CALN1: variants seen among roughly 807,000 people sequenced by gnomAD.
CALN1 encodes the protein calcium-binding protein 8.
In CALN1, 17 loss-of-function variants were observed where a neutral mutation model predicts 30.6. That is an observed-to-expected ratio of 0.56 (90% confidence interval 0.38 to 0.83). The LOEUF (loss-of-function observed/expected upper bound fraction) is 0.83. Among genes scored for constraint, CALN1 ranks in the 40% least tolerant of loss-of-function variants. The probability of loss-of-function intolerance (pLI) is 0.00; values close to 1 mark genes in which losing one functional copy is unlikely to be tolerated. For synonymous variants in CALN1, 156 were observed against 131.4 expected (o/e 1.19, Z -1.28); for missense variants, 291 against 354.9 (o/e 0.82, Z 1.45).
rs187642328 is a variant in CALN1, at chr7:71,959,376, G to A, written c.501+64281C>T. ...ACACAGGATTGGAGAATCCAGACTT[G>A]GTTGTTTTTATATATTTGGAAAACT... On this transcript the variant is annotated intron_variant, in intron 5 of 6. Coordinates refer to ENST00000395275, the MANE Select transcript of CALN1 (RefSeq NM_031468.4). Among the ~76,000 whole-genome samples the A allele has an allele frequency of 1.2e-4, 19 of 152,220 alleles. No individual in the cohort carries two copies. The East Asian group carries it at 3.7e-3, about 29-fold the overall frequency.
chr7:71,908,951 A>G (rs1176650223), intron 5 of CALN1, among the ~76,000 whole-genome samples: 1 of 152,188 alleles, frequency 6.6e-6, no homozygotes, highest in Non-Finnish European at 1.5e-5. Flanking sequence ...GAGCACTTCA[A>G]TGTTTGTTCA....
chr7:72,319,461 T>C (rs1488623538), intron 2 of CALN1, among the ~76,000 whole-genome samples: 1 of 152,180 alleles, frequency 6.6e-6, no homozygotes, highest in Admixed American at 6.5e-5. Flanking sequence ...AATTACCCCA[T>C]GATTCAACTA....
intron 5 of CALN1, among the ~76,000 whole-genome samples, chr7:71,992,834 G>C (rs1179408445): frequency 6.6e-6 from 1 of 152,166 alleles, no homozygotes; most frequent in East Asian, 1.9e-4. Context: ...CCAGCACCAA[G>C]GGTGGATCAT....
chr7:72,316,151 AAAAG>A (rs1442969888), intron 2 of CALN1, among the ~76,000 whole-genome samples: 9 of 63,818 alleles, frequency 1.4e-4, no homozygotes, highest in East Asian at 1.2e-3. Flanking sequence ...TCTTTAAAAA[AAAAG>A]AAAGAAAGAA....
intron 5 of CALN1, among the ~76,000 whole-genome samples, chr7:71,905,526 C>T (rs993660641): frequency 2.0e-5 from 3 of 152,002 alleles, no homozygotes; most frequent in Admixed American, 6.6e-5. Flanking sequence ...GGACATCCTA[C>T]GGAACATCTC....
chr7:72,015,744 G>C (rs1283714797), intron 5 of CALN1, among the ~76,000 whole-genome samples: 1 of 152,094 alleles, frequency 6.6e-6, no homozygotes, highest in Non-Finnish European at 1.5e-5. Context: ...TGCTGGGCCA[G>C]AATTCCCATT....
chr7:72,271,989 G>C (rs1797024886), intron 3 of CALN1, among the ~76,000 whole-genome samples: 1 of 151,164 alleles, frequency 6.6e-6, no homozygotes, highest in African/African-American at 2.4e-5. Flanking sequence ...TTGAACCCAG[G>C]AGGCAGAGGT....
At chr7:71,982,255 GAAT>G (rs1160944375) in intron 5 of CALN1, among the ~76,000 whole-genome samples, 2 of 152,172 alleles carry the variant, frequency 1.3e-5, no homozygotes, top group Admixed American at 1.3e-4. Context: ...CAGAGATGCT[GAAT>G]AATTAATTTT....
At chr7:72,458,304 ATATAATATATTT>A in the CALN1 span, among the ~76,000 whole-genome samples, 6 of 30,744 alleles carry the variant, frequency 2.0e-4, no homozygotes, top group East Asian at 5.5e-3. Flanking sequence ...ATTCTATATT[ATATAATATATTT>A]TATAATATAT....
intron 5 of CALN1, among the ~76,000 whole-genome samples, chr7:71,909,563 G>T (rs533710733): frequency 6.6e-6 from 1 of 152,284 alleles, no homozygotes; most frequent in Admixed American, 6.5e-5. Context: ...TTCTAAGTCT[G>T]GGCATCTCAG....
intron 5 of CALN1, among the ~76,000 whole-genome samples, chr7:71,927,137 T>G (rs1311878299): frequency 1.3e-5 from 2 of 152,084 alleles, no homozygotes; most frequent in Non-Finnish European, 2.9e-5. Context: ...TAAAGAAGAG[T>G]CTACTGGAAT....
intron 5 of CALN1, among the ~76,000 whole-genome samples, chr7:71,844,811 A>G (rs1332141652): frequency 6.6e-6 from 1 of 152,206 alleles, no homozygotes; most frequent in Admixed American, 6.5e-5. Flanking sequence ...AAGGATCTGT[A>G]ATTTATTGGA....
chr7:72,384,750 T>C (rs963725386), intron 2 of CALN1, among the ~76,000 whole-genome samples: 1 of 152,084 alleles, frequency 6.6e-6, no homozygotes, highest in African/African-American at 2.4e-5. Flanking sequence ...TGACCTTGTG[T>C]TTGGTGGTGA....
In CALN1 at chr7:71,787,714, C is replaced by T. The variant is rs529005167; in HGVS notation, c.*61G>A. ...CGTGTCTGCTGTGTGGAGGAAGAGT[C>T]TGCCCGCACGGCATGCACATGCGCG... On this transcript the variant is annotated 3_prime_UTR_variant, in exon 7 of 7. Coordinates refer to ENST00000395275, the MANE Select transcript of CALN1 (RefSeq NM_031468.4). 3.7e-4 allele frequency: 583 copies of T among 1,596,530 alleles called. 3 individuals are homozygous for T. The highest frequency in any genetic ancestry group is 4.2e-4 in the Admixed American group (25 of 59,542).
intron 1 of CALN1, among the ~76,000 whole-genome samples, chr7:72,432,277 C>T (rs2129564050): frequency 1.3e-5 from 2 of 152,298 alleles, no homozygotes; most frequent in South Asian, 2.1e-4. Flanking sequence ...CCTCCTTCGT[C>T]TTCTGCCATG....
At chr7:71,982,477 C>T (rs566213771) in intron 5 of CALN1, among the ~76,000 whole-genome samples, 1 of 152,214 alleles carries the variant, frequency 6.6e-6, no homozygotes, top group East Asian at 1.9e-4. Flanking sequence ...GCCTGTAATC[C>T]CAGCTACTCT....
chr7:72,148,101 T>TAAAAAAAAAAAAAAAAAAAA (rs71300800), intron 3 of CALN1, among the ~76,000 whole-genome samples: 1 of 92,156 alleles, frequency 1.1e-5, no homozygotes. Flanking sequence ...TAAAAAAAAA[T>TAAAAAAAAAAAAAAAAAAAA]AAAAAAAAAA....
At chr7:72,447,828 T>C (rs868011068), upstream of CALN1, among the ~76,000 whole-genome samples, 1 of 145,362 alleles carries the variant, frequency 6.9e-6, no homozygotes, top group Non-Finnish European at 1.5e-5. Flanking sequence ...TGTACACACA[T>C]ACCCACCCGT....
chr7:71,987,751 C>A (rs998906887), intron 5 of CALN1, among the ~76,000 whole-genome samples: 6 of 152,222 alleles, frequency 3.9e-5, no homozygotes, highest in Admixed American at 1.3e-4. Context: ...CTCTTGCCTG[C>A]AGGCAGATAA....
Sources: allele counts gnomAD v4.1 joint callset (sites outside exome capture counted in the v4.1 genomes callset), GRCh38; gene constraint gnomAD v4.1.1; transcripts MANE v1.5; gene names NCBI Gene and HGNC (gene_info 2026-07-23, HGNC 2026-07-21).